The following TMEM30A variants were observed in gnomAD, a reference collection of about 807,000 sequenced individuals.
TMEM30A encodes cell division cycle 50 P4-ATPase accessory subunit A.
A neutral mutation model predicts 38.2 loss-of-function variants in TMEM30A; 24 were observed. That is an observed-to-expected ratio of 0.63 (90% CI 0.46 to 0.88). The LOEUF is 0.88. Among genes scored for constraint, TMEM30A ranks in the 40% least tolerant of loss-of-function variants. The pLI, the probability that TMEM30A is intolerant of heterozygous loss-of-function variation, is 0.00. For missense variants in TMEM30A, 370 were observed against 458.6 expected, an observed-to-expected ratio of 0.81 and a Z score of 1.77; for synonymous variants, 145 against 161.6, an observed-to-expected ratio of 0.90 and a Z score of 0.78.
intron 1 of TMEM30A, among the ~76,000 whole-genome samples, chr6:75,283,706 G>T (rs541664448): frequency 6.6e-6 from 1 of 150,956 alleles, no homozygotes; most frequent in African/African-American, 2.4e-5. Flanking sequence ...GCAAAGGTAG[G>T]GCACATTAAT....
Position 75,284,688 on chromosome 6 carries a change from C to T in TMEM30A, c.-50G>A. 1 of 1,587,422 alleles carries T rather than the reference C, an allele frequency of 6.3e-7. No individual in the cohort carries two copies. Among genetic ancestry groups the T allele is most frequent in the South Asian group, 1.1e-5 (1 of 90,698 alleles). ...ATTTGCAGGTGGACCACCCAGGGGG[C>T]CCGCCGGCTGACCCTGACAGGAACC... On this transcript the variant is annotated 5_prime_UTR_variant, in exon 1 of 7. Coordinates refer to ENST00000230461, the MANE Select transcript of TMEM30A (RefSeq NM_018247.4).
At chr6:75,273,759 T>A (rs890181255) in intron 1 of TMEM30A, among the ~76,000 whole-genome samples, 3 of 152,224 alleles carry the variant, frequency 2.0e-5, no homozygotes, top group Non-Finnish European at 4.4e-5. Flanking sequence ...TGGATGGATA[T>A]CACAGTTATA....
At chr6:75,280,913 T>C (rs537391360) in intron 1 of TMEM30A, among the ~76,000 whole-genome samples, 2 of 152,244 alleles carry the variant, frequency 1.3e-5, no homozygotes, top group Admixed American at 6.5e-5. Flanking sequence ...AAAAATCTTA[T>C]AATCTAATAA....
intron 6 of TMEM30A, among the ~76,000 whole-genome samples, chr6:75,257,659 C>A (rs189982073): frequency 7.9e-5 from 12 of 152,246 alleles, no homozygotes; most frequent in Admixed American, 6.5e-4. Flanking sequence ...GATTTAGTTT[C>A]AAAAACTTGG....
chr6:75,284,309 A>T (rs1772418355), intron 1 of TMEM30A, 93 bp downstream of exon 1: 3 of 1,268,428 alleles, frequency 2.4e-6, no homozygotes, highest in Non-Finnish European at 3.4e-6. Flanking sequence ...CAGCCAGTCA[A>T]CTGGATTCTG....
intron 4 of TMEM30A, among the ~76,000 whole-genome samples, chr6:75,260,013 G>A (rs928890134): frequency 8.5e-5 from 13 of 152,234 alleles, no homozygotes; most frequent in African/African-American, 2.4e-4. Context: ...ATTATATGCC[G>A]AAATAACAGT....
chr6:75,268,140 A>C (rs1772099266), intron 1 of TMEM30A, among the ~76,000 whole-genome samples: 1 of 152,144 alleles, frequency 6.6e-6, no homozygotes. Flanking sequence ...CAGTCACCTC[A>C]GCTTTCCATT....
chr6:75,259,845 C>T (rs1289919271), intron 4 of TMEM30A, among the ~76,000 whole-genome samples: 6 of 152,146 alleles, frequency 3.9e-5, no homozygotes, highest in Admixed American at 3.9e-4. Flanking sequence ...TTTCTGTTTG[C>T]ATTGTCTCAT....
chr6:75,259,690 T>C (rs1771931766), intron 4 of TMEM30A, among the ~76,000 whole-genome samples, 200 bp from the exon 5 acceptor site: 1 of 152,218 alleles, frequency 6.6e-6, no homozygotes, highest in African/African-American at 2.4e-5. Context: ...TCTCTTCCTT[T>C]AACAGAGTTC....
intron 1 of TMEM30A, among the ~76,000 whole-genome samples, chr6:75,272,188 T>C (rs1294117477): frequency 6.6e-6 from 1 of 152,244 alleles, no homozygotes; most frequent in Non-Finnish European, 1.5e-5. Flanking sequence ...AATACACATG[T>C]AGAAAGTAGA....
At chr6:75,267,302 C>A in intron 2 of TMEM30A, among the ~76,000 whole-genome samples, 1 of 152,136 alleles carries the variant, frequency 6.6e-6, no homozygotes, top group Non-Finnish European at 1.5e-5. Flanking sequence ...CGTAAGTATG[C>A]ACAACAATTT....
intron 1 of TMEM30A, among the ~76,000 whole-genome samples, chr6:75,278,906 G>T (rs1464881084): frequency 1.3e-5 from 2 of 152,020 alleles, no homozygotes; most frequent in Admixed American, 1.3e-4. Flanking sequence ...CCCTAAAGAA[G>T]TGCTATTTAT....
At chr6:75,259,574 G>A in intron 4 of TMEM30A, 84 bp from the exon 5 acceptor site, 1 of 1,257,596 alleles carries the variant, frequency 8.0e-7, no homozygotes, top group African/African-American at 1.5e-5. Flanking sequence ...ATAAGGACCT[G>A]ATATTTGTTT....
At position 75,284,495 on chromosome 6, in the gene TMEM30A, G is replaced by A. The variant is rs1274739385; in HGVS notation, c.144C>T (p.Gly48=). ...LPAWQPILTA[G]TVLPIFFIIG... is the part of the protein sequence containing the mutation. ...TGATGAAGAAAATAGGTAGCACCGT[G>A]CCAGCCGTAAGGATGGGCTGCCAAG... The change falls in exon 1 of 7, where the codon GGC becomes GGT. Residue 48 remains glycine (G), a synonymous_variant. Transcript: ENST00000230461. 6.2e-7 allele frequency: 1 copy of A among 1,609,588 alleles called. No homozygotes were observed.
rs1195661994 is a variant in TMEM30A at position 75,258,804 on chromosome 6, G to A, written c.868C>T (p.Arg290Ter). The change falls in exon 6 of 7, where the codon CGA (arginine) becomes TGA (stop). Residue 290 changes from arginine to a stop codon, truncating the protein, a stop_gained. Transcript: ENST00000230461. LOFTEE classifies it high-confidence loss of function. ...SDLHPTLPAG[R>*]YSLNVTYNYP... is the part of the protein sequence containing the mutation. Reference sequence around the variant, plus strand: ...CTGTATGTGACATTCAAAGAGTATCGGCCAGCTGGTAATGTTGGATGTAAA... The same window carrying A: ...CTGTATGTGACATTCAAAGAGTATCAGCCAGCTGGTAATGTTGGATGTAAA... 1.2e-5 allele frequency: 19 copies of A among 1,613,614 alleles called. No homozygotes were observed. The highest frequency in any genetic ancestry group is 2.2e-5 in the East Asian group (1 of 44,866).
intron 1 of TMEM30A, among the ~76,000 whole-genome samples, chr6:75,282,917 C>T (rs2149525802): frequency 6.6e-6 from 1 of 152,210 alleles, no homozygotes; most frequent in Admixed American, 6.5e-5. Flanking sequence ...CCAGCCAATG[C>T]CCATGTTCCT....
At position 75,284,746 on chromosome 6, in the gene TMEM30A, G is replaced by A. The variant is rs1009648092; in HGVS notation, c.-108C>T. On this transcript the variant is annotated 5_prime_UTR_variant, in exon 1 of 7. Coordinates refer to ENST00000230461, the MANE Select transcript of TMEM30A (RefSeq NM_018247.4). Reference sequence around the variant, plus strand: ...CGCCGCTGCCGCCGCCGCCGCCGCAGCCACCAGCGCCACCGCCACAGCCAC... The same window carrying A: ...CGCCGCTGCCGCCGCCGCCGCCGCAACCACCAGCGCCACCGCCACAGCCAC... 1 of 974,826 alleles carries A rather than the reference G, an allele frequency of 1.0e-6. No individual in the cohort carries two copies. The allele number at this position is 974,826 out of a possible 1,614,324, so 60.4% of individuals were successfully genotyped here.
At chr6:75,277,736 T>C (rs1435209842) in intron 1 of TMEM30A, among the ~76,000 whole-genome samples, 1 of 152,028 alleles carries the variant, frequency 6.6e-6, no homozygotes, top group East Asian at 1.9e-4. Flanking sequence ...GAGACCCCCA[T>C]CTCTAGCAAA....
At chr6:75,257,369 C>T (rs1179038615) in intron 6 of TMEM30A, among the ~76,000 whole-genome samples, 1 of 152,112 alleles carries the variant, frequency 6.6e-6, no homozygotes. Flanking sequence ...CTCAATCTGC[C>T]ATATATCATG....
Sources: gnomAD v4.1 joint callset for allele counts (sites outside exome capture counted in the v4.1 genomes callset) on GRCh38, gnomAD v4.1.1 for gene constraint, MANE v1.5 for transcripts, NCBI Gene and HGNC (gene_info 2026-07-23, HGNC 2026-07-21) for gene names.